Variants in DPRX observed in about 807,000 individuals in gnomAD.
DPRX encodes the protein divergent paired-related homeobox.
Under a neutral mutation model 8.4 loss-of-function variants are expected in DPRX, and 11 were observed. The observed-to-expected ratio is 1.31, with a 90% CI of 0.82 to 2.17. DPRX has a LOEUF of 2.17. DPRX is among the 30% of genes most tolerant of loss of function. DPRX has a pLI of 0.00. For missense variants in DPRX, 211 were observed against 236.7 expected (o/e 0.89, Z 0.71); for synonymous variants, 72 against 87.0 (o/e 0.83, Z 0.96).
intron 2 of DPRX, among the ~76,000 whole-genome samples, chr19:53,636,197 C>A (rs982968849): frequency 4.6e-5 from 7 of 151,906 alleles, no homozygotes; most frequent in Non-Finnish European, 8.8e-5. Context: ...GAAACCCTGT[C>A]TGTACTAAAA....
At chr19:53,618,410 G>T in the DPRX span, among the ~76,000 whole-genome samples, 1 of 151,466 alleles carries the variant, frequency 6.6e-6, no homozygotes, top group Non-Finnish European at 1.5e-5. Flanking sequence ...ACTGCTGCCT[G>T]AACAATAACA....
At chr19:53,631,790 A>T (rs1028659725), upstream of DPRX, among the ~76,000 whole-genome samples, 1 of 152,078 alleles carries the variant, frequency 6.6e-6, no homozygotes, top group African/African-American at 2.4e-5. Flanking sequence ...AAGAAATTGC[A>T]GCTTCTGCTC....
At chr19:53,612,467 G>A in the DPRX span, among the ~76,000 whole-genome samples, 7 of 152,046 alleles carry the variant, frequency 4.6e-5, no homozygotes, top group Admixed American at 4.6e-4. Context: ...AGCTCTTTGG[G>A]AGGCCGAGGC....
chr19:53,601,500 G>A, the DPRX span: 4 of 273,422 alleles, frequency 1.5e-5, no homozygotes, highest in Non-Finnish European at 2.8e-5. Context: ...TTTTTTTTTT[G>A]AGACAGAGTC....
At chr19:53,623,553 G>T in the DPRX span, among the ~76,000 whole-genome samples, 2 of 151,884 alleles carry the variant, frequency 1.3e-5, no homozygotes, top group Admixed American at 6.6e-5. Context: ...AAGGAGAATC[G>T]CTTGAATCCG....
the DPRX span, among the ~76,000 whole-genome samples, chr19:53,622,654 G>A: frequency 1.3e-5 from 2 of 152,000 alleles, no homozygotes; most frequent in Admixed American, 1.3e-4. Context: ...ATCCATGCCC[G>A]CCAACTACCT....
At chr19:53,611,591 TTTA>T in the DPRX span, among the ~76,000 whole-genome samples, 5,317 of 152,176 alleles carry the variant, frequency 0.035, 130 homozygotes, top group Middle Eastern at 0.078. Context: ...CCTTCCACAG[TTTA>T]TTGACATAAA....
At chr19:53,616,539 G>A in the DPRX span, among the ~76,000 whole-genome samples, 1 of 151,994 alleles carries the variant, frequency 6.6e-6, no homozygotes, top group African/African-American at 2.4e-5. Context: ...TGGATCACTT[G>A]AGGTCAGGAG....
At chr19:53,617,146 A>C in the DPRX span, 1 of 1,156,462 alleles carries the variant, frequency 8.6e-7, no homozygotes, top group Non-Finnish European at 1.3e-6. Flanking sequence ...ATATCCCAAA[A>C]CTCAATAGAT....
chr19:53,617,170 C>G, the DPRX span: 2 of 1,053,044 alleles, frequency 1.9e-6, no homozygotes, highest in Non-Finnish European at 3.0e-6. Flanking sequence ...TTCTTCTATT[C>G]GTTGGATTCG....
At chr19:53,616,522 A>T in the DPRX span, among the ~76,000 whole-genome samples, 1 of 152,112 alleles carries the variant, frequency 6.6e-6, no homozygotes, top group East Asian at 1.9e-4. Context: ...TGGGAGGCTG[A>T]GGCGGGTGGA....
chr19:53,613,320 A>C, the DPRX span, among the ~76,000 whole-genome samples: 1 of 151,778 alleles, frequency 6.6e-6, no homozygotes, highest in Middle Eastern at 3.4e-3. Flanking sequence ...AGGAGGGGGG[A>C]GGTCACTGCA....
At chr19:53,616,532 A>C in the DPRX span, among the ~76,000 whole-genome samples, 1 of 152,212 alleles carries the variant, frequency 6.6e-6, no homozygotes, top group Non-Finnish European at 1.5e-5. Context: ...AGGCGGGTGG[A>C]TCACTTGAGG....
At chr19:53,617,878 T>A in the DPRX span, among the ~76,000 whole-genome samples, 168 of 152,030 alleles carry the variant, frequency 1.1e-3, no homozygotes, top group Non-Finnish European at 2.0e-3. Flanking sequence ...GGTGGCTCAC[T>A]TCTGTAGTCC....
chr19:53,613,900 T>G, the DPRX span, among the ~76,000 whole-genome samples: 1 of 152,042 alleles, frequency 6.6e-6, no homozygotes, highest in Non-Finnish European at 1.5e-5. Context: ...TATTTTGCCT[T>G]TGTAAAATAT....
chr19:53,634,446 T>A, intron 1 of DPRX, 85 bp from the exon 2 acceptor site: 1 of 1,503,194 alleles, frequency 6.7e-7, no homozygotes, highest in Non-Finnish European at 9.0e-7. Flanking sequence ...ACGTTGTACC[T>A]CAGTGGAAAG....
chr19:53,623,346 AG>A, the DPRX span, among the ~76,000 whole-genome samples: 1 of 99,264 alleles, frequency 1.0e-5, no homozygotes, highest in Non-Finnish European at 2.3e-5. Context: ...AATAAATAAA[AG>A]GCCATTCCTG....
chr19:53,603,031 G>A, the DPRX span, among the ~76,000 whole-genome samples: 1 of 150,382 alleles, frequency 6.6e-6, no homozygotes, highest in Non-Finnish European at 1.5e-5. Flanking sequence ...ATATGTGTGT[G>A]TGTGTGTATA....
chr19:53,632,099 A>T (rs1405596732), exon 1 of DPRX: 4 of 1,613,834 alleles, frequency 2.5e-6, no homozygotes, highest in Non-Finnish European at 2.5e-6. Flanking sequence ...GCACATCTGG[A>T]TTAGAAGATG....
Sources: allele counts gnomAD v4.1 joint callset (sites outside exome capture counted in the v4.1 genomes callset), GRCh38; gene constraint gnomAD v4.1.1; transcripts MANE v1.5; gene names NCBI Gene and HGNC (gene_info 2026-07-23, HGNC 2026-07-21).